The following PGAP4 variants were observed in gnomAD, a reference collection of about 807,000 sequenced individuals.
PGAP4 encodes the protein post-GPI attachment to proteins GalNAc transferase 4.
In PGAP4, 12 loss-of-function variants were observed where a neutral mutation model predicts 28.2. The observed-to-expected ratio is 0.42, with a 90% CI of 0.27 to 0.69. The LOEUF is 0.69. PGAP4 is among the 30% of genes least tolerant of loss of function. PGAP4 has a pLI of 0.22. For synonymous variants in PGAP4, 205 were observed against 211.8 expected (o/e 0.97, Z 0.28); for missense variants, 425 against 513.5 (o/e 0.83, Z 1.67).
At chr9:101,508,026 A>T (rs73501292) in intron 2 of PGAP4, among the ~76,000 whole-genome samples, 1,897 of 152,024 alleles carry the variant, frequency 0.012, 31 homozygotes, top group African/African-American at 0.043. Flanking sequence ...CCCTTATTTG[A>T]TGAAGGTCAA....
chr9:101,478,449 G>C (rs1485441627), intron 1 of PGAP4, among the ~76,000 whole-genome samples: 1 of 152,176 alleles, frequency 6.6e-6, no homozygotes, highest in Non-Finnish European at 1.5e-5. Context: ...TATTGCAAAG[G>C]GAGGATTGCC....
chr9:101,500,334 A>G (rs542400073), intron 2 of PGAP4, among the ~76,000 whole-genome samples: 33 of 152,080 alleles, frequency 2.2e-4, no homozygotes, highest in African/African-American at 7.7e-4. Context: ...TAGGGCTCTC[A>G]CACATTTCTT....
Position 101,503,651 on chromosome 9 carries a change from A to T in PGAP4, c.-164-14451T>A, listed in dbSNP as rs559168058. Among the ~76,000 whole-genome samples the T allele has an allele frequency of 4.6e-5, 7 of 152,126 alleles. No homozygotes were observed. In the East Asian group the frequency reaches 1.4e-3, roughly 30 times the overall value. ...CTTTCATAAAAGAAAATGAATTGAAAAGTTCTGGGGTGGGAGGTGGAGGTA... is the reference window on the plus strand; with the variant it reads ...CTTTCATAAAAGAAAATGAATTGAATAGTTCTGGGGTGGGAGGTGGAGGTA... On this transcript the variant is annotated intron_variant, in intron 2 of 3. Coordinates refer to the PGAP4 transcript ENST00000374851.
At chr9:101,487,497 A>C (rs956947542), upstream of PGAP4, among the ~76,000 whole-genome samples, 1 of 152,234 alleles carries the variant, frequency 6.6e-6, no homozygotes, top group Non-Finnish European at 1.5e-5. Flanking sequence ...ATGAGAAAGT[A>C]TGCACATTGA....
intron 2 of PGAP4, among the ~76,000 whole-genome samples, chr9:101,523,298 T>A (rs1432104149): frequency 6.6e-6 from 1 of 152,178 alleles, no homozygotes; most frequent in African/African-American, 2.4e-5. Flanking sequence ...CCAAATATAT[T>A]TTCCAAGCTT....
chr9:101,527,837 G>A (rs543345096), intron 2 of PGAP4, among the ~76,000 whole-genome samples: 4 of 152,080 alleles, frequency 2.6e-5, no homozygotes, highest in Non-Finnish European at 5.9e-5. Context: ...CTAATATTAA[G>A]GCCCTCCTTG....
At chr9:101,495,604 A>T (rs192934913) in intron 2 of PGAP4, among the ~76,000 whole-genome samples, 2 of 149,218 alleles carry the variant, frequency 1.3e-5, no homozygotes, top group Non-Finnish European at 3.0e-5. Flanking sequence ...GTTGTTTAAA[A>T]CAGAATTACA....
chr9:101,517,955 T>G (rs942494930), intron 2 of PGAP4, among the ~76,000 whole-genome samples: 6 of 152,162 alleles, frequency 3.9e-5, no homozygotes, highest in Non-Finnish European at 7.4e-5. Context: ...TGTGTGACAC[T>G]GAGATTTGAG....
intron 2 of PGAP4, among the ~76,000 whole-genome samples, chr9:101,523,342 T>C (rs1168212717): frequency 1.3e-5 from 2 of 152,088 alleles, no homozygotes; most frequent in Non-Finnish European, 2.9e-5. Flanking sequence ...ACACTGATTA[T>C]TCATTCTTAG....
At chr9:101,497,020 TTGAG>T (rs1246717904) in intron 2 of PGAP4, among the ~76,000 whole-genome samples, 2 of 150,684 alleles carry the variant, frequency 1.3e-5, no homozygotes, top group Non-Finnish European at 3.0e-5. Flanking sequence ...AACCTTAAAT[TTGAG>T]TGAAAACTTA....
intron 1 of PGAP4, 91 bp from the exon 2 acceptor site, chr9:101,477,260 C>T: frequency 2.1e-6 from 2 of 941,824 alleles, no homozygotes; most frequent in Non-Finnish European, 2.9e-6. Flanking sequence ...GAACTGAGCT[C>T]AGCACATATC....
In PGAP4 at chr9:101,519,483, T is replaced by C. The variant is rs924033940; in HGVS notation, c.-165+11865A>G. ...CATGTTTGTTTGTTTCTTACTGATT[T>C]GTTTGAGTTCGTTGTAGATTCTGGA... On this transcript the variant is annotated intron_variant, in intron 2 of 3. Transcript: ENST00000374851. Among the ~76,000 whole-genome samples the C allele has an allele frequency of 1.4e-4, 22 of 152,278 alleles. 1 individual carries two copies. In the South Asian group the frequency reaches 3.3e-3, roughly 23 times the overall value.
chr9:101,505,467 C>T (rs144488102), intron 2 of PGAP4, among the ~76,000 whole-genome samples: 17 of 152,144 alleles, frequency 1.1e-4, no homozygotes, highest in Non-Finnish European at 1.6e-4. Context: ...ACACCAAGGA[C>T]GGTATGATTG....
At position 101,473,704 on chromosome 9, in the gene PGAP4, T is replaced by G. The variant is rs1302097549; in HGVS notation, c.*2177A>C. ...AAAGAGCAGAAATGTAAACCAGCAG[T>G]GCTTCCCTATCTTGGGCCTGGCTAG... On this transcript the variant is annotated 3_prime_UTR_variant, in exon 2 of 2. Transcript: ENST00000374848. 1 of 152,270 alleles carries G rather than the reference T, an allele frequency of 6.6e-6. No individual in the cohort carries two copies. The highest frequency in any genetic ancestry group is 1.5e-5 in the Non-Finnish European group (1 of 68,074). 9.4% of individuals were successfully genotyped at this position (152,270 alleles called of 1,614,324 possible). A position where few individuals can be genotyped will look rare whatever the true frequency, so the allele number is the denominator to read the frequency against.
At chr9:101,501,511 T>A in intron 2 of PGAP4, 1 of 314,910 alleles carries the variant, frequency 3.2e-6, no homozygotes, top group Non-Finnish European at 6.2e-6. Flanking sequence ...ATCAGTGTAA[T>A]CTCCCTAGTA....
intron 2 of PGAP4, among the ~76,000 whole-genome samples, chr9:101,513,922 A>T (rs956342670): frequency 6.6e-6 from 1 of 152,132 alleles, no homozygotes; most frequent in Non-Finnish European, 1.5e-5. Flanking sequence ...GGAGTTCCAA[A>T]TCTGGAGAGC....
chr9:101,484,437 A>G (rs565337668), intron 1 of PGAP4, among the ~76,000 whole-genome samples: 1 of 152,298 alleles, frequency 6.6e-6, no homozygotes, highest in South Asian at 2.1e-4. Flanking sequence ...AAGAAATCTT[A>G]GCTAGGTTTG....
intron 2 of PGAP4, among the ~76,000 whole-genome samples, chr9:101,517,404 A>T (rs1826951901): frequency 6.6e-6 from 1 of 152,224 alleles, no homozygotes; most frequent in African/African-American, 2.4e-5. Context: ...TATCTAGATT[A>T]TAACAAGCTA....
chr9:101,476,938 T>C lies in PGAP4; in HGVS notation c.155A>G (p.Tyr52Cys), dbSNP rs375705359. The C allele has an allele frequency of 6.8e-6, 11 of 1,614,064 alleles. No homozygotes were observed. The highest frequency in any genetic ancestry group is 9.3e-6 in the Non-Finnish European group (11 of 1,180,000). ...ACHRLLHSYF[Y>C]LRHWHLNQMS... Reference sequence around the variant, plus strand: ...TTGGTTCAGATGCCAATGGCGCAGATAGAAGTAAGAGTGTAGAAGTCGGTG... The same window carrying C: ...TTGGTTCAGATGCCAATGGCGCAGACAGAAGTAAGAGTGTAGAAGTCGGTG... The change falls in exon 2 of 2, where the codon TAT becomes TGT. Residue 52 changes from tyrosine to cysteine, a missense_variant. Tyr to Cys is a radical substitution (Grantham distance 194, BLOSUM62 -2). Coordinates refer to ENST00000374848, the MANE Select transcript of PGAP4 (RefSeq NM_032342.3). This position sits in a 1 kb window ranked among gnomAD's most constrained non-coding sequence, Gnocchi z 7.0.
Sources: gnomAD v4.1 joint callset for allele counts (sites outside exome capture counted in the v4.1 genomes callset) on GRCh38, gnomAD v4.1.1 for gene constraint, Gnocchi (gnomAD v3.1) non-coding constraint, MANE v1.5 for transcripts, NCBI Gene and HGNC (gene_info 2026-07-23, HGNC 2026-07-21) for gene names.